Variants in HHIPL2 observed in about 807,000 individuals in gnomAD.
HHIPL2 encodes HHIP like 2.
In HHIPL2, 61 loss-of-function variants were observed where a neutral mutation model predicts 61.0. The observed-to-expected ratio is 1.00, with a 90% CI of 0.81 to 1.24. The LOEUF (loss-of-function observed/expected upper bound fraction) is 1.24. HHIPL2 is among the 50% of genes most tolerant of loss of function. HHIPL2 has a pLI of 0.00. For missense variants in HHIPL2, 885 were observed against 910.2 expected, an observed-to-expected ratio of 0.97 and a Z score of 0.36; for synonymous variants, 343 against 357.4, an observed-to-expected ratio of 0.96 and a Z score of 0.45.
At chr1:222,542,622 C>A (rs1262743228) in intron 2 of HHIPL2, among the ~76,000 whole-genome samples, 1 of 148,914 alleles carries the variant, frequency 6.7e-6, no homozygotes. Context: ...CTTCTGCCTC[C>A]CAGGTTCATG....
intron 1 of HHIPL2, among the ~76,000 whole-genome samples, chr1:222,546,457 A>G (rs2102624660): frequency 6.6e-6 from 1 of 152,338 alleles, no homozygotes; most frequent in African/African-American, 2.4e-5. Flanking sequence ...ATAAATAAAC[A>G]CGTGTAGGAC....
At chr1:222,546,080 T>C (rs1659551178) in intron 1 of HHIPL2, among the ~76,000 whole-genome samples, 1 of 33,344 alleles carries the variant, frequency 3.0e-5, no homozygotes, top group African/African-American at 1.0e-4. Flanking sequence ...ATAAAAGTCC[T>C]ATGTGACTCT....
At chr1:222,544,363 T>C (rs1180108337) in intron 1 of HHIPL2, among the ~76,000 whole-genome samples, 174 bp from the exon 2 acceptor site, 1 of 152,176 alleles carries the variant, frequency 6.6e-6, no homozygotes, top group Non-Finnish European at 1.5e-5. Context: ...ACCTAGTTAA[T>C]GCTCCTAGAA....
intron 1 of HHIPL2, among the ~76,000 whole-genome samples, chr1:222,545,899 C>T (rs1659543520): frequency 6.6e-6 from 1 of 151,734 alleles, no homozygotes; most frequent in African/African-American, 2.4e-5. Context: ...AATAAAAAAA[C>T]CCAGGCATGG....
In HHIPL2 at chr1:222,540,045, C is replaced by T. The variant is rs779944883; in HGVS notation, c.1415G>A (p.Cys472Tyr). The change falls in exon 4 of 9, where the codon TGT becomes TAT. Residue 472 changes from cysteine (C) to tyrosine (Y), a missense_variant. Coordinates refer to ENST00000343410, the MANE Select transcript of HHIPL2 (RefSeq NM_024746.4). ...ATTGTGACAAAGTTTTTTGTCATAA[C>T]ATGCAAACCCTTCCTTTGCTCTCCA... ...YGWRAKEGFA[C>Y]YDKKLCHNAS... is the part of the protein sequence containing the mutation. The T allele has an allele frequency of 1.2e-6, 2 of 1,614,184 alleles. No homozygotes were observed. Among genetic ancestry groups the T allele is most frequent in the South Asian group, 2.2e-5 (2 of 91,074 alleles).
In HHIPL2 at chr1:222,538,853, AT is replaced by A. The variant is rs1282549250; in HGVS notation, c.1451-80del. On this transcript the variant is annotated intron_variant, in intron 4 of 8. Coordinates refer to ENST00000343410, the MANE Select transcript of HHIPL2 (RefSeq NM_024746.4). Reference sequence around the variant, plus strand: ...CAAGGAGGAAGAAGGGGACTTTTTAATGCAGTTGCCTAATTCAGTAAAGAAC... The same window carrying A: ...CAAGGAGGAAGAAGGGGACTTTTTAAGCAGTTGCCTAATTCAGTAAAGAAC... 3.4e-6 allele frequency: 5 copies of A among 1,473,136 alleles called. No individual in the cohort carries two copies. In the East Asian group the frequency reaches 1.1e-4, roughly 33 times the overall value. 91.3% of individuals were successfully genotyped at this position (1,473,136 alleles called of 1,614,324 possible).
At position 222,542,093 on chromosome 1, in the gene HHIPL2, A is replaced by G. The variant is rs1295333944; in HGVS notation, c.1037T>C (p.Leu346Pro). 1 of 1,614,090 alleles carries G rather than the reference A, an allele frequency of 6.2e-7. No homozygotes were observed. The highest frequency in any genetic ancestry group is 8.5e-7 in the Non-Finnish European group (1 of 1,180,008). ...AGTGAATATGTACATATAGCCATCC[A>G]GGCCAAAAAGAAGTTGTCCGCCATT... ...NHNGGQLLFG[L>P]DGYMYIFTGD... The change falls in exon 3 of 9, where the codon CTG becomes CCG. Residue 346 changes from leucine (L) to proline (P), a missense_variant. By Grantham distance (98) the Leu-to-Pro change is moderately conservative. Coordinates refer to ENST00000343410, the MANE Select transcript of HHIPL2 (RefSeq NM_024746.4).
chr1:222,530,165 G>GT (rs11318288), intron 6 of HHIPL2, among the ~76,000 whole-genome samples: 43 of 149,488 alleles, frequency 2.9e-4, no homozygotes, highest in African/African-American at 3.9e-4. Context: ...CATGACTGTT[G>GT]TTTTTTTTTT....
rs974133961 is a variant in HHIPL2, at chr1:222,544,077, T to C, written c.434A>G (p.His145Arg). 6.2e-7 allele frequency: 1 copy of C among 1,613,928 alleles called. No individual in the cohort carries two copies. The highest frequency in any genetic ancestry group is 8.5e-7 in the Non-Finnish European group (1 of 1,179,982). ...ATTGGTCAGCAGGGAAATGGCTGAGTGACAGTTAGAATGGAAGGCAGAGCA... is the reference window on the plus strand; with the variant it reads ...ATTGGTCAGCAGGGAAATGGCTGAGCGACAGTTAGAATGGAAGGCAGAGCA... Reference protein sequence around the residue: ...DYCSAFHSNCHSAISLLTNDR... With the variant: ...DYCSAFHSNCRSAISLLTNDR... Residue 145 changes from histidine (H) to arginine (R), a missense_variant, in exon 2 of 9, where the codon CAC becomes CGC. By Grantham distance (29) the His-to-Arg change is conservative. Transcript: ENST00000343410.
At chr1:222,525,759 G>A (rs1659049657) in intron 7 of HHIPL2, among the ~76,000 whole-genome samples, 1 of 152,172 alleles carries the variant, frequency 6.6e-6, no homozygotes, top group South Asian at 2.1e-4. Flanking sequence ...AGCACTTTGG[G>A]AGGTTGAGGC....
intron 7 of HHIPL2, among the ~76,000 whole-genome samples, chr1:222,526,253 G>A (rs1659061541): frequency 6.6e-6 from 1 of 152,090 alleles, no homozygotes; most frequent in African/African-American, 2.4e-5. Flanking sequence ...TCCAGAAAAG[G>A]TAGAGCTATT....
At position 222,540,392 on chromosome 1, in the gene HHIPL2, A is replaced by C. The variant is rs779346536; in HGVS notation, c.1119-51T>G. 24 of 1,478,448 alleles carry C rather than the reference A, an allele frequency of 1.6e-5. No homozygotes were observed. The South Asian group carries it at 2.7e-4, about 17-fold the overall frequency. The allele number at this position is 1,478,448 out of a possible 1,614,324, so 91.6% of individuals were successfully genotyped here. A position where few individuals can be genotyped will look rare whatever the true frequency, so the allele number is the denominator to read the frequency against. Reference sequence around the variant, plus strand: ...GAATGAGGTAAGCAAGGAAAGCCACAGGACTGGAAGAGATCGCCCAGAAGG... The same window carrying C: ...GAATGAGGTAAGCAAGGAAAGCCACCGGACTGGAAGAGATCGCCCAGAAGG... On this transcript the variant is annotated intron_variant, in intron 3 of 8. Coordinates refer to ENST00000343410, the MANE Select transcript of HHIPL2 (RefSeq NM_024746.4).
At position 222,543,839 on chromosome 1, in the gene HHIPL2, A is replaced by G; in HGVS notation, c.672T>C (p.His224=). ...AGAAGCGATGGGTGCCGTCCCCAGCATGGACCATGGAGACGGGGTTCCTCA... is the reference window on the plus strand; with the variant it reads ...AGAAGCGATGGGTGCCGTCCCCAGCGTGGACCATGGAGACGGGGTTCCTCA... ...NGLRNPVSMV[H]AGDGTHRFFV... is the part of the protein sequence containing the mutation. Residue 224 remains histidine (H), a synonymous_variant, in exon 2 of 9, where the codon CAT becomes CAC. Coordinates refer to ENST00000343410, the MANE Select transcript of HHIPL2 (RefSeq NM_024746.4). The G allele has an allele frequency of 6.2e-7, 1 of 1,614,156 alleles. No individual in the cohort carries two copies. The highest frequency in any genetic ancestry group is 1.3e-5 in the African/African-American group (1 of 75,038).
chr1:222,543,420 C>CT, intron 2 of HHIPL2, 117 bp downstream of exon 2: 2 of 1,052,216 alleles, frequency 1.9e-6, no homozygotes, highest in Non-Finnish European at 1.4e-6. Context: ...TGACTCCTTT[C>CT]TCAACAGTTC....
chr1:222,524,756 G>A (rs572219779), intron 7 of HHIPL2, among the ~76,000 whole-genome samples: 3 of 152,178 alleles, frequency 2.0e-5, no homozygotes, highest in Non-Finnish European at 2.9e-5. Flanking sequence ...GGTGCATTTC[G>A]TGCAAAGACA....
intron 6 of HHIPL2, among the ~76,000 whole-genome samples, chr1:222,531,297 G>A (rs11487852): frequency 0.41 from 62,837 of 152,044 alleles, 13,482 homozygotes; most frequent in African/African-American, 0.54. Flanking sequence ...ATAAACACCC[G>A]CTGCCCATTT....
At position 222,544,167 on chromosome 1, in the gene HHIPL2, T is replaced by G; in HGVS notation, c.344A>C (p.His115Pro). The change falls in exon 2 of 9, where the codon CAC becomes CCC. Residue 115 changes from histidine to proline, a missense_variant. Physicochemically the swap from His to Pro is moderately conservative, Grantham distance 77. Transcript: ENST00000343410. ...CTGGGTGTTTTCGGCGTCGTAGAGG[T>G]GGGCTGCGTAGGGCGAGCACTCCTA... ...LCQECSPYAA[H>P]LYDAENTQTP... The G allele has an allele frequency of 1.2e-6, 2 of 1,612,880 alleles. No individual in the cohort carries two copies. Among genetic ancestry groups the G allele is most frequent in the Non-Finnish European group, 1.7e-6 (2 of 1,179,938 alleles).
intron 5 of HHIPL2, among the ~76,000 whole-genome samples, chr1:222,537,446 T>TC (rs558629997): frequency 1.1e-3 from 166 of 150,454 alleles, no homozygotes; most frequent in African/African-American, 2.6e-3. Context: ...AGAGCAGGCT[T>TC]CAATTCAAAA....
intron 7 of HHIPL2, among the ~76,000 whole-genome samples, chr1:222,526,500 G>A (rs1175326856): frequency 6.6e-6 from 1 of 151,962 alleles, no homozygotes; most frequent in African/African-American, 2.4e-5. Flanking sequence ...GAGGTCGGGA[G>A]TTCAAGACCA....
Sources: allele counts gnomAD v4.1 joint callset (sites outside exome capture counted in the v4.1 genomes callset), GRCh38; gene constraint gnomAD v4.1.1; transcripts MANE v1.5; gene names NCBI Gene and HGNC (gene_info 2026-07-23, HGNC 2026-07-21).